The following NELL1 variants were observed in gnomAD, a reference collection of about 807,000 sequenced individuals.
NELL1 encodes protein kinase C-binding protein NELL1.
In NELL1, 76 loss-of-function variants were observed where a neutral mutation model predicts 107.4. That is an observed-to-expected ratio of 0.71 (90% CI 0.59 to 0.86). The LOEUF (loss-of-function observed/expected upper bound fraction) is 0.86, where lower values mean the gene tolerates loss of function less well. Among genes scored for constraint, NELL1 ranks in the 40% least tolerant of loss-of-function variants. NELL1 has a pLI of 0.00. For synonymous variants in NELL1, 353 were observed against 341.2 expected, an observed-to-expected ratio of 1.03 and a Z score of -0.38; for missense variants, 1,024 against 1,005.5, an observed-to-expected ratio of 1.02 and a Z score of -0.25.
At chr11:21,475,694 G>T (rs551079692) in intron 15 of NELL1, among the ~76,000 whole-genome samples, 5 of 152,332 alleles carry the variant, frequency 3.3e-5, no homozygotes, top group African/African-American at 9.6e-5. Context: ...CATAATATGT[G>T]CAAGAACAAA....
intron 2 of NELL1, among the ~76,000 whole-genome samples, chr11:20,728,448 A>C (rs1391223096): frequency 1.3e-5 from 2 of 152,164 alleles, no homozygotes; most frequent in East Asian, 3.8e-4. Context: ...TTGATGTCTT[A>C]CATTTAAATC....
chr11:21,516,070 A>G (rs1485891620), intron 15 of NELL1, among the ~76,000 whole-genome samples: 1 of 152,216 alleles, frequency 6.6e-6, no homozygotes, highest in African/African-American at 2.4e-5. Flanking sequence ...TCACAGAAGA[A>G]GGTGGAAGAA....
At chr11:21,496,641 C>T (rs1047974245) in intron 15 of NELL1, among the ~76,000 whole-genome samples, 1 of 152,120 alleles carries the variant, frequency 6.6e-6, no homozygotes, top group Non-Finnish European at 1.5e-5. Context: ...GTTCTCCTGA[C>T]CTCGTGATCC....
intron 12 of NELL1, among the ~76,000 whole-genome samples, chr11:21,049,815 C>T (rs1340561034): frequency 1.3e-5 from 2 of 152,016 alleles, no homozygotes; most frequent in African/African-American, 2.4e-5. Context: ...GTAGCTGGGA[C>T]TACAGGTGCA....
intron 3 of NELL1, among the ~76,000 whole-genome samples, chr11:20,789,407 C>A (rs1323262363): frequency 6.6e-6 from 1 of 152,206 alleles, no homozygotes; most frequent in Non-Finnish European, 1.5e-5. Context: ...AAGCAGCTTC[C>A]ACCAGCACCG....
At chr11:21,572,244 A>T (rs1253918802) in intron 18 of NELL1, among the ~76,000 whole-genome samples, 1 of 151,830 alleles carries the variant, frequency 6.6e-6, no homozygotes, top group Admixed American at 6.6e-5. Context: ...TAGAATTTCA[A>T]AAGTGTATCC....
intron 13 of NELL1, among the ~76,000 whole-genome samples, chr11:21,220,823 A>G (rs1371494017): frequency 6.6e-6 from 1 of 152,122 alleles, no homozygotes; most frequent in African/African-American, 2.4e-5. Flanking sequence ...AAAGAGGGCA[A>G]TTTGACTTCC....
chr11:21,297,245 C>T (rs1285758919), intron 14 of NELL1, among the ~76,000 whole-genome samples: 1 of 151,938 alleles, frequency 6.6e-6, no homozygotes, highest in African/African-American at 2.4e-5. Context: ...AGATAGGCTA[C>T]ATTCAGGGTG....
chr11:20,880,253 C>G (rs1259343705), intron 4 of NELL1, among the ~76,000 whole-genome samples: 1 of 152,228 alleles, frequency 6.6e-6, no homozygotes, highest in East Asian at 1.9e-4. Flanking sequence ...GACTTCCCAT[C>G]TCAGTGGGTC....
chr11:21,030,133 C>T (rs925292697), intron 12 of NELL1, among the ~76,000 whole-genome samples: 2 of 152,044 alleles, frequency 1.3e-5, no homozygotes, highest in African/African-American at 4.8e-5. Flanking sequence ...TTTAAAATTA[C>T]GTTAGATATT....
At chr11:21,529,572 T>C (rs1182864864) in intron 15 of NELL1, among the ~76,000 whole-genome samples, 1 of 152,204 alleles carries the variant, frequency 6.6e-6, no homozygotes, top group African/African-American at 2.4e-5. Context: ...CAAGAGAATC[T>C]AAATCTTTAT....
intron 13 of NELL1, among the ~76,000 whole-genome samples, chr11:21,167,420 G>C (rs544239850): frequency 6.6e-6 from 1 of 151,874 alleles, no homozygotes; most frequent in Non-Finnish European, 1.5e-5. Context: ...CTTGAGCCCT[G>C]GTTGGCTTAA....
chr11:20,753,183 C>T (rs937215449), intron 2 of NELL1, among the ~76,000 whole-genome samples: 2 of 152,168 alleles, frequency 1.3e-5, no homozygotes, highest in Non-Finnish European at 2.9e-5. Context: ...TTTGGTCATC[C>T]AACTTCTATG....
At chr11:21,401,833 T>C (rs1488885451) in intron 15 of NELL1, among the ~76,000 whole-genome samples, 1 of 151,758 alleles carries the variant, frequency 6.6e-6, no homozygotes, top group Non-Finnish European at 1.5e-5. Flanking sequence ...TGCAAACTCA[T>C]GTGATTTTTC....
At chr11:21,053,592 G>A (rs1030436793) in intron 12 of NELL1, among the ~76,000 whole-genome samples, 1 of 152,240 alleles carries the variant, frequency 6.6e-6, no homozygotes, top group Non-Finnish European at 1.5e-5. Flanking sequence ...TAGCTTAGAA[G>A]TAGCAGATGG....
intron 2 of NELL1, among the ~76,000 whole-genome samples, chr11:20,758,070 T>G (rs779450211): frequency 7.9e-5 from 12 of 152,158 alleles, no homozygotes; most frequent in Non-Finnish European, 1.6e-4. Context: ...AGGGCACTTA[T>G]TCCATCACGA....
chr11:21,560,251 G>T lies in NELL1; in HGVS notation c.1849G>T (p.Ala617Ser), dbSNP rs200307283. 1.2e-6 allele frequency: 2 copies of T among 1,613,532 alleles called. No homozygotes were observed. The highest frequency in any genetic ancestry group is 1.7e-5 in the Admixed American group (1 of 59,962). ...GAACGATTCTGCCTGCATCAACCTG[G>T]CAGGGGGCTTTGACTGTCTCTGCCC... ...CWNDSACINL[A>S]GGFDCLCPSG... Residue 617 changes from alanine (A) to serine (S), a missense_variant, in exon 17 of 20, where the codon GCA becomes TCA. Transcript: ENST00000357134.
intron 14 of NELL1, among the ~76,000 whole-genome samples, chr11:21,365,364 G>A (rs1382917298): frequency 1.3e-5 from 2 of 152,178 alleles, no homozygotes; most frequent in Admixed American, 6.5e-5. Flanking sequence ...CCACTGTGCA[G>A]TGGTGCAAAC....
intron 4 of NELL1, among the ~76,000 whole-genome samples, chr11:20,871,830 T>C (rs1054817281): frequency 4.3e-4 from 65 of 151,600 alleles, no homozygotes; most frequent in Non-Finnish European, 5.5e-4. Context: ...CCATCCTGGC[T>C]AACATGGTGA....
Sources: gnomAD v4.1 joint callset for allele counts (sites outside exome capture counted in the v4.1 genomes callset) on GRCh38, gnomAD v4.1.1 for gene constraint, MANE v1.5 for transcripts, NCBI Gene and HGNC (gene_info 2026-07-23, HGNC 2026-07-21) for gene names.